The following TTC3 variants were observed in gnomAD, a reference collection of about 807,000 sequenced individuals.
TTC3 encodes tetratricopeptide repeat domain 3, also known as E3 ubiquitin-protein ligase TTC3.
TTC3 carries 180 observed loss-of-function variants against 249.6 expected under a neutral mutation model. That is an observed-to-expected ratio of 0.72 (90% CI 0.64 to 0.82). The LOEUF is 0.82. Among genes scored for constraint, TTC3 ranks in the 40% least tolerant of loss-of-function variants. TTC3 has a pLI of 0.00. For missense variants in TTC3, 2,061 were observed against 2,398.4 expected (o/e 0.86, Z 2.94); for synonymous variants, 717 against 805.0 (o/e 0.89, Z 1.85).
exon 33 of TTC3, chr21:37,166,549 T>C (rs199505889): frequency 1.1e-4 from 184 of 1,614,084 alleles, no homozygotes; most frequent in Non-Finnish European, 1.4e-4. Context: ...ACAACAAATG[T>C]GAAGTAATTC....
chr21:37,105,671 T>A (rs1253175503), intron 10 of TTC3, among the ~76,000 whole-genome samples: 2 of 152,116 alleles, frequency 1.3e-5, no homozygotes, highest in African/African-American at 4.8e-5. Flanking sequence ...ATGATCCATC[T>A]CCTCCCCCAG....
rs374111068 is a variant in TTC3 at position 37,123,948 on chromosome 21, C to A, written c.1110-671C>A. ...ATTTTTGGTAGAGATGAGGTTTCAA[C>A]ATTTTGGCCAGACTGGTCTCAAACT... On this transcript the variant is annotated intron_variant, in intron 13 of 45. Transcript: ENST00000355666. Among the ~76,000 whole-genome samples, 9 of 151,652 alleles carry A rather than the reference C, an allele frequency of 5.9e-5. No homozygotes were observed. In the East Asian group the frequency reaches 1.8e-3, roughly 29 times the overall value.
intron 32 of TTC3, 91 bp downstream of exon 32, chr21:37,164,306 G>T: frequency 2.5e-6 from 3 of 1,212,802 alleles, no homozygotes; most frequent in Non-Finnish European, 3.3e-6. Flanking sequence ...TGTTTTTAGA[G>T]ATTTTGCCAC....
At chr21:37,198,856 T>A (rs1361254036) in intron 44 of TTC3, among the ~76,000 whole-genome samples, 1 of 152,214 alleles carries the variant, frequency 6.6e-6, no homozygotes, top group Non-Finnish European at 1.5e-5. Context: ...TTCCATTTTT[T>A]TTTTTATTGT....
chr21:37,191,547 A>G (rs2084102954), intron 40 of TTC3, 123 bp downstream of exon 40: 1 of 579,092 alleles, frequency 1.7e-6, no homozygotes, highest in Non-Finnish European at 2.8e-6. Flanking sequence ...TTTTTTGTTG[A>G]AAGTATTATG....
At chr21:37,169,030 G>A (rs1470079081) in intron 34 of TTC3, among the ~76,000 whole-genome samples, 1 of 152,082 alleles carries the variant, frequency 6.6e-6, no homozygotes, top group Non-Finnish European at 1.5e-5. Context: ...TTCCCAGAGT[G>A]TGTGATACCA....
intron 35 of TTC3, among the ~76,000 whole-genome samples, chr21:37,175,757 A>G (rs898397903): frequency 6.6e-6 from 1 of 151,872 alleles, no homozygotes. Context: ...GCCGGCGGAA[A>G]AGTGGCTTTT....
intron 35 of TTC3, among the ~76,000 whole-genome samples, chr21:37,181,397 C>T (rs1200371169): frequency 6.6e-6 from 1 of 152,196 alleles, no homozygotes; most frequent in Non-Finnish European, 1.5e-5. Flanking sequence ...ACAAGATTGG[C>T]TTGGCTGCCA....
rs1419172816 is a variant in TTC3, at chr21:37,201,563, T to C, written c.6067T>C (p.Ser2023Pro). Reference sequence around the variant, plus strand: ...TCAGAATCAGGAGCTGCCTTCCTGCTCTTCTAGGTAGTCACACTTCACTAA... The same window carrying C: ...TCAGAATCAGGAGCTGCCTTCCTGCCCTTCTAGGTAGTCACACTTCACTAA... Residue 2023 changes from serine (S) to proline (P), a missense_variant, in exon 46 of 46, where the codon TCT (serine) becomes CCT (proline). Physicochemically the swap from Ser to Pro is moderately conservative, Grantham distance 74. Around this residue, in one of 3 missense-constraint regions of TTC3, gnomAD observed 1,040 missense variants for 1,186.1 expected, o/e 0.88. Coordinates refer to ENST00000355666, the Ensembl canonical transcript of TTC3. The C allele has an allele frequency of 1.2e-6, 2 of 1,613,648 alleles. No homozygotes were observed. Among genetic ancestry groups the C allele is most frequent in the African/African-American group, 1.3e-5 (1 of 74,898 alleles).
chr21:37,197,201 C>T (rs951230196), intron 42 of TTC3, among the ~76,000 whole-genome samples: 5 of 152,108 alleles, frequency 3.3e-5, no homozygotes, highest in African/African-American at 1.2e-4. Flanking sequence ...TGGTGGCTCA[C>T]GCCAGGCCGA....
At chr21:37,190,073 A>G (rs926614072) in intron 39 of TTC3, among the ~76,000 whole-genome samples, 4 of 147,738 alleles carry the variant, frequency 2.7e-5, no homozygotes, top group African/African-American at 1.0e-4. Context: ...AACCCTCAGC[A>G]TTGAACCAGA....
exon 46 of TTC3, chr21:37,201,767 A>C: frequency 1.4e-6 from 1 of 733,944 alleles, no homozygotes; most frequent in Non-Finnish European, 2.1e-6. Context: ...ATGATTGCCA[A>C]CAGTGGCTAA....
intron 1 of TTC3, chr21:37,081,706 AT>A (rs982247090): frequency 6.6e-6 from 1 of 151,652 alleles, no homozygotes; most frequent in Admixed American, 6.6e-5. Flanking sequence ...TATCTTTCAT[AT>A]TTTTTATCTC....
intron 11 of TTC3, among the ~76,000 whole-genome samples, chr21:37,118,989 A>G (rs1416016637): frequency 2.0e-5 from 3 of 152,072 alleles, no homozygotes; most frequent in Non-Finnish European, 2.9e-5. Flanking sequence ...AAGTATTTCA[A>G]TGTCCTTGTC....
chr21:37,140,673 G>A (rs2062844015), exon 20 of TTC3: 1 of 1,593,050 alleles, frequency 6.3e-7, no homozygotes, highest in Non-Finnish European at 8.6e-7. Flanking sequence ...AAAAAAAACA[G>A]GTTAGTAGAA....
intron 18 of TTC3, among the ~76,000 whole-genome samples, chr21:37,136,135 T>G (rs2147938899): frequency 6.6e-6 from 1 of 152,272 alleles, no homozygotes; most frequent in Non-Finnish European, 1.5e-5. Context: ...GCCAACCAGC[T>G]GTTATCTCCA....
intron 26 of TTC3, 121 bp downstream of exon 26, chr21:37,152,150 T>G: frequency 8.8e-7 from 1 of 1,142,410 alleles, no homozygotes; most frequent in African/African-American, 1.6e-5. Context: ...CACTTAGTAA[T>G]TTAATACTAT....
At chr21:37,171,378 C>T (rs1180776726) in intron 34 of TTC3, among the ~76,000 whole-genome samples, 1 of 152,238 alleles carries the variant, frequency 6.6e-6, no homozygotes, top group Admixed American at 6.5e-5. Context: ...AGCATTGCTA[C>T]TTTCTCCTGG....
intron 15 of TTC3, 61 bp downstream of exon 15, chr21:37,126,204 G>A: frequency 6.7e-7 from 1 of 1,503,640 alleles, no homozygotes; most frequent in Non-Finnish European, 9.2e-7. Flanking sequence ...AAATTTGGAT[G>A]CCCTACAATG....
Sources: allele counts gnomAD v4.1 joint callset (sites outside exome capture counted in the v4.1 genomes callset), GRCh38; gene constraint gnomAD v4.1.1; regional missense constraint gnomAD v4.1.1; transcripts MANE v1.5; gene names NCBI Gene and HGNC (gene_info 2026-07-23, HGNC 2026-07-21).